Variants in HIVEP3 observed in about 807,000 individuals in gnomAD.
HIVEP3 encodes the protein transcription factor HIVEP3.
Under a neutral mutation model 152.8 loss-of-function variants are expected in HIVEP3, and 49 were observed. That is an observed-to-expected ratio of 0.32 (90% CI 0.26 to 0.41). The LOEUF (loss-of-function observed/expected upper bound fraction) is 0.41, where lower values mean the gene tolerates loss of function less well. Among genes scored for constraint, HIVEP3 ranks in the 10% least tolerant of loss-of-function variants. The pLI is 1.00. For synonymous variants in HIVEP3, 1,269 were observed against 1,289.0 expected, an observed-to-expected ratio of 0.98 and a Z score of 0.33; for missense variants, 2,790 against 3,103.3, an observed-to-expected ratio of 0.90 and a Z score of 2.40.
chr1:41,793,271 C>T (rs191146910), intron 1 of HIVEP3, among the ~76,000 whole-genome samples: 1 of 152,352 alleles, frequency 6.6e-6, no homozygotes, highest in African/African-American at 2.4e-5. Flanking sequence ...TGGGCTCCCC[C>T]TGTCTCATCA....
intron 1 of HIVEP3, among the ~76,000 whole-genome samples, chr1:41,812,560 A>C (rs937628036): frequency 6.6e-6 from 1 of 152,186 alleles, no homozygotes; most frequent in South Asian, 2.1e-4. Context: ...GCTTTCTTGC[A>C]TTCCTCTGGA....
chr1:41,777,317 C>T (rs146258249), intron 1 of HIVEP3, among the ~76,000 whole-genome samples: 3 of 152,336 alleles, frequency 2.0e-5, no homozygotes, highest in East Asian at 3.9e-4. Context: ...CACCAGCCTC[C>T]ACCCAGCTGT....
At chr1:41,949,451 C>T (rs1449976432) in intron 1 of HIVEP3, among the ~76,000 whole-genome samples, 4 of 152,166 alleles carry the variant, frequency 2.6e-5, no homozygotes, top group South Asian at 2.1e-4. Context: ...CCTTCAAAAT[C>T]GAAGAGCTTT....
chr1:41,562,643 C>CTCTTTCTTTCTT (rs58319899), intron 5 of HIVEP3, among the ~76,000 whole-genome samples: 29 of 119,372 alleles, frequency 2.4e-4, no homozygotes, highest in South Asian at 5.9e-4. Context: ...CCCTCTCTCT[C>CTCTTTCTTTCTT]TCTTTCTTTC....
chr1:41,794,136 T>A (rs1185769431), intron 1 of HIVEP3, among the ~76,000 whole-genome samples: 1 of 152,178 alleles, frequency 6.6e-6, no homozygotes, highest in Non-Finnish European at 1.5e-5. Flanking sequence ...TGGACTTAGT[T>A]CCACATGGCT....
chr1:41,733,188 C>T (rs916258653), intron 1 of HIVEP3, among the ~76,000 whole-genome samples: 2 of 152,110 alleles, frequency 1.3e-5, no homozygotes, highest in African/African-American at 2.4e-5. Flanking sequence ...CTGGGCAACA[C>T]TCCATATGGG....
intron 1 of HIVEP3, among the ~76,000 whole-genome samples, chr1:41,854,263 C>T (rs1022095945): frequency 6.6e-6 from 1 of 152,140 alleles, no homozygotes; most frequent in Non-Finnish European, 1.5e-5. Context: ...ACCCAGCAGG[C>T]GCTGGGGAAG....
intron 1 of HIVEP3, among the ~76,000 whole-genome samples, chr1:41,713,977 G>C (rs748392345): frequency 5.3e-5 from 8 of 151,270 alleles, no homozygotes; most frequent in Non-Finnish European, 1.0e-4. Flanking sequence ...AGAAGCTCCT[G>C]ATAATGGTGC....
At chr1:41,693,371 C>T (rs565167727) in intron 2 of HIVEP3, among the ~76,000 whole-genome samples, 2 of 152,268 alleles carry the variant, frequency 1.3e-5, no homozygotes, top group East Asian at 3.9e-4. Context: ...TGAAATGGCC[C>T]CCAAAGGACA....
At chr1:41,980,863 A>C (rs1645290051) in intron 1 of HIVEP3, among the ~76,000 whole-genome samples, 1 of 152,154 alleles carries the variant, frequency 6.6e-6, no homozygotes, top group Admixed American at 6.5e-5. Context: ...TTGACAGACA[A>C]TTCAGAGGAA....
At chr1:41,919,973 C>T (rs1644927362), upstream of HIVEP3, among the ~76,000 whole-genome samples, 1 of 152,164 alleles carries the variant, frequency 6.6e-6, no homozygotes, top group South Asian at 2.1e-4. Context: ...TCGGGAGCTA[C>T]AGGGGCGCTC....
At chr1:41,825,059 T>C (rs1642756613) in intron 1 of HIVEP3, among the ~76,000 whole-genome samples, 1 of 152,032 alleles carries the variant, frequency 6.6e-6, no homozygotes, top group Admixed American at 6.5e-5. Flanking sequence ...CCAGGCTTAG[T>C]GTGAGCAACA....
At chr1:41,935,934 C>T (rs1301800159) in intron 1 of HIVEP3, among the ~76,000 whole-genome samples, 1 of 151,782 alleles carries the variant, frequency 6.6e-6, no homozygotes, top group South Asian at 2.1e-4. Context: ...GAACAGCTAC[C>T]ACTAAATCTT....
intron 1 of HIVEP3, among the ~76,000 whole-genome samples, chr1:41,901,834 C>T (rs1644629542): frequency 6.6e-6 from 1 of 152,174 alleles, no homozygotes; most frequent in Non-Finnish European, 1.5e-5. Flanking sequence ...CCTTCACAGC[C>T]ATTATCTTAA....
intron 1 of HIVEP3, among the ~76,000 whole-genome samples, chr1:41,888,329 G>A (rs1644383988): frequency 6.6e-6 from 1 of 151,254 alleles, no homozygotes; most frequent in African/African-American, 2.4e-5. Context: ...TCGGATTACA[G>A]GCATGAGCCA....
rs539511686 is a variant in HIVEP3, at chr1:41,964,526, T to C, written n.120-46002A>G. On this transcript the variant is annotated intron_variant and non_coding_transcript_variant, in intron 1 of 3. Coordinates refer to the HIVEP3 transcript ENST00000489103. ...CTGGAGACTGCCTAAGATGACCAAG[T>C]TCCTGGGGGGAAGGGCAGCTGCCAT... Among the ~76,000 whole-genome samples, 7 of 152,304 alleles carry C rather than the reference T, an allele frequency of 4.6e-5. No individual in the cohort carries two copies. The East Asian group carries it at 1.4e-3, about 29-fold the overall frequency.
At chr1:41,722,197 CT>C (rs1232664724) in intron 1 of HIVEP3, among the ~76,000 whole-genome samples, 1 of 152,200 alleles carries the variant, frequency 6.6e-6, no homozygotes, top group Non-Finnish European at 1.5e-5. Context: ...CCACAATCAG[CT>C]TTGTCTCTGC....
intron 1 of HIVEP3, among the ~76,000 whole-genome samples, chr1:41,870,206 C>T (rs1204965191): frequency 6.6e-6 from 1 of 152,106 alleles, no homozygotes; most frequent in Non-Finnish European, 1.5e-5. Context: ...CTGATCCCTG[C>T]TCATGCCTCA....
chr1:41,582,642 T>C lies in HIVEP3; in HGVS notation c.2156A>G (p.Lys719Arg), dbSNP rs750784331. Reference protein sequence around the residue: ...LTPLRKRRKEKSLGDEEEPPA... With the variant: ...LTPLRKRRKERSLGDEEEPPA... ...TGGCTCTTCCTCGTCCCCAAGGCTC[T>C]TCTCTTTCCTCCTCTTCCTCAGTGG... Residue 719 changes from lysine (K) to arginine (R), a missense_variant, in exon 4 of 9, where the codon AAG becomes AGG. Lys to Arg is a conservative substitution (Grantham distance 26, BLOSUM62 2). Around this residue, in one of 9 missense-constraint regions of HIVEP3, gnomAD observed 339 missense variants for 327.0 expected, o/e 1.04. Transcript: ENST00000372583. This position sits in a 1 kb window ranked among gnomAD's most constrained non-coding sequence, Gnocchi z 4.7. 1 of 1,613,980 alleles carries C rather than the reference T, an allele frequency of 6.2e-7. No individual in the cohort carries two copies. The highest frequency in any genetic ancestry group is 1.3e-5 in the African/African-American group (1 of 74,924).
Sources: gnomAD v4.1 joint callset for allele counts (sites outside exome capture counted in the v4.1 genomes callset) on GRCh38, gnomAD v4.1.1 for gene constraint, gnomAD v4.1.1 regional missense constraint, Gnocchi (gnomAD v3.1) non-coding constraint, MANE v1.5 for transcripts, NCBI Gene and HGNC (gene_info 2026-07-23, HGNC 2026-07-21) for gene names.